Variants in RAB11FIP4 observed in about 807,000 individuals in gnomAD.
RAB11FIP4 encodes the protein rab11 family-interacting protein 4.
In RAB11FIP4, 23 loss-of-function variants were observed where a neutral mutation model predicts 74.3. The observed-to-expected ratio is 0.31, with a 90% confidence interval of 0.22 to 0.44. The LOEUF (loss-of-function observed/expected upper bound fraction) is 0.44. Ranked by LOEUF, RAB11FIP4 falls within the 20% of genes least tolerant of loss-of-function variation. RAB11FIP4 has a pLI of 1.00. For missense variants in RAB11FIP4, 630 were observed against 863.9 expected (o/e 0.73, Z 3.39); for synonymous variants, 360 against 359.9 (o/e 1.00, Z 0.00).
chr17:31,524,700 A>G (rs942013985), intron 9 of RAB11FIP4: 1 of 243,946 alleles, frequency 4.1e-6, no homozygotes, highest in Non-Finnish European at 8.1e-6. Context: ...ACCAGCCAGG[A>G]TGTGCCTATT....
chr17:31,398,664 G>A (rs1331101573), intron 1 of RAB11FIP4, among the ~76,000 whole-genome samples: 1 of 152,258 alleles, frequency 6.6e-6, no homozygotes, highest in Non-Finnish European at 1.5e-5. Flanking sequence ...CCTTGTACAG[G>A]TGGGTCACGA....
intron 10 of RAB11FIP4, chr17:31,526,502 C>T (rs2072769725): frequency 6.6e-6 from 1 of 152,260 alleles, no homozygotes; most frequent in Admixed American, 6.5e-5. Flanking sequence ...AGTGGAGGCC[C>T]AGAAGCCATC....
intron 3 of RAB11FIP4, among the ~76,000 whole-genome samples, chr17:31,504,773 TG>T (rs1245520772): frequency 6.6e-6 from 1 of 152,190 alleles, no homozygotes; most frequent in East Asian, 1.9e-4. Context: ...CTTTTACAGC[TG>T]GTGGTGGTTT....
intron 3 of RAB11FIP4, among the ~76,000 whole-genome samples, chr17:31,481,418 T>A (rs2071847958): frequency 1.3e-5 from 2 of 152,136 alleles, no homozygotes; most frequent in African/African-American, 4.8e-5. Flanking sequence ...AAAAGGGCAG[T>A]CCACTCCTAC....
At chr17:31,396,183 C>CAAAAAAAAAAAAAAAA (rs55991343) in intron 1 of RAB11FIP4, among the ~76,000 whole-genome samples, 2 of 122,612 alleles carry the variant, frequency 1.6e-5, no homozygotes, top group African/African-American at 6.6e-5. Flanking sequence ...GACCCTGCCA[C>CAAAAAAAAAAAAAAAA]AAAAAAAAAA....
chr17:31,537,482 C>G lies in RAB11FIP4; in HGVS notation c.*5750C>G, dbSNP rs1666604280. ...CAACTTTGTGTAAAGCAGCTTCTCC[C>G]ACAGAGCTTTCCCTGCATTGTTAGT... is the stretch of plus-strand genomic sequence containing the variant. On this transcript the variant is annotated 3_prime_UTR_variant, in exon 15 of 15. Transcript: ENST00000621161. 2.9e-6 allele frequency: 1 copy of G among 342,794 alleles called. No homozygotes were observed. Among genetic ancestry groups the G allele is most frequent in the South Asian group, 1.5e-4 (1 of 6,558 alleles). 21.2% of individuals were successfully genotyped at this position (342,794 alleles called of 1,614,324 possible). A position where few individuals can be genotyped will look rare whatever the true frequency, so the allele number is the denominator to read the frequency against.
At chr17:31,488,193 C>T in intron 3 of RAB11FIP4, 1 of 1,094,474 alleles carries the variant, frequency 9.1e-7, no homozygotes, top group Non-Finnish European at 1.1e-6. Context: ...CCGCGCGCCG[C>T]CGACCCGCGC....
At chr17:31,530,572 CAG>C (rs2072852390) in intron 14 of RAB11FIP4, 103 bp downstream of exon 14, 4 of 1,424,890 alleles carry the variant, frequency 2.8e-6, no homozygotes, top group African/African-American at 1.4e-5. Flanking sequence ...CAGGGCCTGG[CAG>C]AGAGTCCCAT....
intron 3 of RAB11FIP4, among the ~76,000 whole-genome samples, chr17:31,483,923 G>A (rs571910116): frequency 6.6e-6 from 1 of 152,184 alleles, no homozygotes; most frequent in African/African-American, 2.4e-5. Flanking sequence ...AATAGACACA[G>A]AGAGGCCAGG....
rs192749284 is a variant in RAB11FIP4 at position 31,409,261 on chromosome 17, C to T, written c.159+17250C>T. Reference sequence around the variant, plus strand: ...TTAGGTTTAGGTCAATATTCTTTTGCATATTAATAAAGACCACCCCCTCTC... The same window carrying T: ...TTAGGTTTAGGTCAATATTCTTTTGTATATTAATAAAGACCACCCCCTCTC... On this transcript the variant is annotated intron_variant, in intron 1 of 14. Transcript: ENST00000621161. 1.4e-4 allele frequency among the ~76,000 whole-genome samples: 22 copies of T among 152,300 alleles called. No homozygotes were observed. The East Asian group carries it at 3.7e-3, about 25-fold the overall frequency.
At chr17:31,421,225 C>CTTTTCTTTTT (rs1168222552) in intron 1 of RAB11FIP4, among the ~76,000 whole-genome samples, 1 of 149,516 alleles carries the variant, frequency 6.7e-6, no homozygotes, top group Non-Finnish European at 1.5e-5. Context: ...AATTTCTTTT[C>CTTTTCTTTTT]TTTTCTTTTT....
rs534795699 is a variant in RAB11FIP4, at chr17:31,453,654, GTC to G, written c.336+19536_336+19537del. Among the ~76,000 whole-genome samples, 13 of 151,828 alleles carry G rather than the reference GTC, an allele frequency of 8.6e-5. No homozygotes were observed. The South Asian group carries it at 2.7e-3, about 32-fold the overall frequency. Reference sequence around the variant, plus strand: ...AGCCTGGCCAACATGGTGAAATGCTGTCTCTGCTAAAAATACAAAAATTAGCT... The same window carrying G: ...AGCCTGGCCAACATGGTGAAATGCTGTCTGCTAAAAATACAAAAATTAGCT... On this transcript the variant is annotated intron_variant, in intron 3 of 14. Coordinates refer to ENST00000621161, the MANE Select transcript of RAB11FIP4 (RefSeq NM_032932.6).
At position 31,521,089 on chromosome 17, in the gene RAB11FIP4, C is replaced by T. The variant is rs548218583; in HGVS notation, c.564-77C>T. 62 of 1,172,232 alleles carry T rather than the reference C, an allele frequency of 5.3e-5. No homozygotes were observed. In the East Asian group the frequency reaches 9.0e-4, roughly 17 times the overall value. 72.6% of individuals were successfully genotyped at this position (1,172,232 alleles called of 1,614,324 possible). On this transcript the variant is annotated intron_variant, in intron 4 of 14. Coordinates refer to ENST00000621161, the MANE Select transcript of RAB11FIP4 (RefSeq NM_032932.6). ...GGTAGTGCCAATTAAAGGGAAATGC[C>T]TGTCAGTTTCCCCACCACGGGCTGT...
intron 1 of RAB11FIP4, among the ~76,000 whole-genome samples, chr17:31,416,377 G>A (rs1299750712): frequency 6.6e-6 from 1 of 152,186 alleles, no homozygotes; most frequent in Non-Finnish European, 1.5e-5. Flanking sequence ...TTTGGCCTGG[G>A]CTCAGGGTGC....
chr17:31,472,116 C>G (rs2071743051), intron 3 of RAB11FIP4, among the ~76,000 whole-genome samples: 1 of 150,668 alleles, frequency 6.6e-6, no homozygotes, highest in East Asian at 2.0e-4. Context: ...GAGCTGAGAT[C>G]GTGCCATTGC....
chr17:31,527,891 C>T lies in RAB11FIP4; in HGVS notation c.1324C>T (p.Arg442Trp), dbSNP rs1039742218. The T allele has an allele frequency of 9.3e-6, 15 of 1,604,964 alleles. No individual in the cohort carries two copies. The highest frequency in any genetic ancestry group is 1.7e-5 in the Admixed American group (1 of 58,420). The change falls in exon 11 of 15, where the codon CGG (arginine) becomes TGG (tryptophan). Residue 442 changes from arginine to tryptophan, a missense_variant. Transcript: ENST00000621161. ...TACAGAGCTTAGAACAACAGTGACT[C>T]GGCTCAAGTCTCAAACAGAGAAACT... ...ENTELRTTVT[R>W]LKSQTEKLDE...
chr17:31,476,343 C>T (rs1327295310), intron 3 of RAB11FIP4, among the ~76,000 whole-genome samples: 2 of 151,982 alleles, frequency 1.3e-5, no homozygotes, highest in Non-Finnish European at 2.9e-5. Flanking sequence ...TGCCATCACG[C>T]CCAGCTAATG....
intron 3 of RAB11FIP4, among the ~76,000 whole-genome samples, chr17:31,439,185 A>C (rs2071386962): frequency 6.6e-6 from 1 of 152,188 alleles, no homozygotes; most frequent in Admixed American, 6.5e-5. Context: ...ATCGTTATCC[A>C]TGCTCCTTGG....
chr17:31,517,563 G>T (rs923544273), intron 3 of RAB11FIP4, 88 bp from the exon 4 acceptor site: 3 of 1,282,740 alleles, frequency 2.3e-6, no homozygotes, highest in African/African-American at 1.5e-5. Flanking sequence ...TGCTGTTTTG[G>T]CCTGGCTGAT....
Sources: gnomAD v4.1 joint callset for allele counts (sites outside exome capture counted in the v4.1 genomes callset) on GRCh38, gnomAD v4.1.1 for gene constraint, MANE v1.5 for transcripts, NCBI Gene and HGNC (gene_info 2026-07-23, HGNC 2026-07-21) for gene names.